FAM117B: variants seen among roughly 807,000 people sequenced by gnomAD.
FAM117B encodes the protein family with sequence similarity 117 member B, also known as protein FAM117B.
A neutral mutation model predicts 52.8 loss-of-function variants in FAM117B; 22 were observed. The ratio of observed to expected loss-of-function variants is 0.42; its 90% CI spans 0.30 to 0.59. The LOEUF (loss-of-function observed/expected upper bound fraction) is 0.59, where lower values mean the gene tolerates loss of function less well. FAM117B is among the 20% of genes least tolerant of loss of function. The probability of loss-of-function intolerance (pLI) is 0.22; values close to 1 mark genes in which losing one functional copy is unlikely to be tolerated. For missense variants in FAM117B, 678 were observed against 802.6 expected, an observed-to-expected ratio of 0.84 and a Z score of 1.88; for synonymous variants, 309 against 324.1, an observed-to-expected ratio of 0.95 and a Z score of 0.50.
Position 202,759,251 on chromosome 2 carries a change from C to T in FAM117B, c.1349C>T (p.Pro450Leu). 1 of 1,614,122 alleles carries T rather than the reference C, an allele frequency of 6.2e-7. No homozygotes were observed. Among genetic ancestry groups the T allele is most frequent in the Non-Finnish European group, 8.5e-7 (1 of 1,180,002 alleles). The change falls in exon 7 of 8, where the codon CCT becomes CTT. Residue 450 changes from proline to leucine, a missense_variant. By Grantham distance (98) the Pro-to-Leu change is moderately conservative. Coordinates refer to ENST00000392238, the MANE Select transcript of FAM117B (RefSeq NM_173511.4). ...CTTGCAGAGAATGGGAACAATTCTC[C>T]TTTGCCCAAATATGCAACCTCACCA... ...PRDKENGNNSPLPKYATSPKP... is the reference protein window; with the variant it reads ...PRDKENGNNSLLPKYATSPKP...
chr2:202,760,507 C>T (rs889084646), intron 7 of FAM117B, among the ~76,000 whole-genome samples: 1 of 152,130 alleles, frequency 6.6e-6, no homozygotes, highest in African/African-American at 2.4e-5. Flanking sequence ...TTTTTCCTTT[C>T]ATGTATTTAC....
At chr2:202,668,496 C>T (rs566958488) in intron 1 of FAM117B, among the ~76,000 whole-genome samples, 30 of 137,174 alleles carry the variant, frequency 2.2e-4, no homozygotes, top group Non-Finnish European at 4.1e-4. Context: ...CCACTGCACT[C>T]CAGACTGTGT....
chr2:202,683,193 T>A (rs1343480141), intron 1 of FAM117B, among the ~76,000 whole-genome samples: 1 of 152,244 alleles, frequency 6.6e-6, no homozygotes, highest in Non-Finnish European at 1.5e-5. Flanking sequence ...CCGGGCGTGG[T>A]GGCATGTGCC....
rs1691245839 is a variant in FAM117B at position 202,726,370 on chromosome 2, G to A, written c.960+7G>A. 3 of 1,572,834 alleles carry A rather than the reference G, an allele frequency of 1.9e-6. No individual in the cohort carries two copies. In the Admixed American group the frequency reaches 5.5e-5, roughly 29 times the overall value. ...AGCTATTAACCAGTGTCAGGTAAGA[G>A]TACCAATACCACAAAATCCAGAAAA... On this transcript the variant is annotated splice_region_variant and intron_variant, in intron 4 of 7. Transcript: ENST00000392238.
rs1195441962 is a variant in FAM117B, at chr2:202,765,747, G to T, written c.1753G>T (p.Glu585Ter). Residue 585 changes from glutamate (E) to a stop codon, truncating the protein, a stop_gained, in exon 8 of 8, where the codon GAG (glutamate) becomes TAG (stop). Coordinates refer to ENST00000392238, the MANE Select transcript of FAM117B (RefSeq NM_173511.4). LOFTEE classifies it high-confidence loss of function. ...TCTACTCCCACCACCAGAACCAATT[G>T]AGGAAGCTGAAGGATAGGTCACAGT... The part of the protein sequence containing the change: ...ASLLPPPEPI[E>*]EAEG The T allele has an allele frequency of 6.2e-7, 1 of 1,614,008 alleles. No homozygotes were observed. The highest frequency in any genetic ancestry group is 8.5e-7 in the Non-Finnish European group (1 of 1,179,946).
chr2:202,642,365 A>ATATATATATATATATATATATAT (rs1559092461), intron 1 of FAM117B, among the ~76,000 whole-genome samples: 2 of 148,538 alleles, frequency 1.3e-5, no homozygotes, highest in Admixed American at 1.3e-4. Context: ...ATATATATAT[A>ATATATATATATATATATATATAT]AAATGAGTAG....
At chr2:202,650,906 A>G (rs753412556) in intron 1 of FAM117B, among the ~76,000 whole-genome samples, 4 of 151,980 alleles carry the variant, frequency 2.6e-5, no homozygotes, top group African/African-American at 9.7e-5. Context: ...GCCTCTCCCA[A>G]TCCGCTGACT....
intron 1 of FAM117B, among the ~76,000 whole-genome samples, chr2:202,694,188 C>CGTTTTTTTTTTTTTTTTTT (rs1690674436): frequency 1.0e-5 from 1 of 99,098 alleles, no homozygotes; most frequent in African/African-American, 4.4e-5. Context: ...AAACCCACTT[C>CGTTTTTTTTTTTTTTTTTT]TTTTTTTTTT....
chr2:202,679,001 T>C (rs1690423694), intron 1 of FAM117B, among the ~76,000 whole-genome samples: 1 of 152,172 alleles, frequency 6.6e-6, no homozygotes, highest in South Asian at 2.1e-4. Context: ...CTCTTTTTCC[T>C]CTCTATCTGC....
At chr2:202,666,880 C>A (rs1348960041) in intron 1 of FAM117B, among the ~76,000 whole-genome samples, 2 of 151,836 alleles carry the variant, frequency 1.3e-5, no homozygotes, top group East Asian at 3.9e-4. Flanking sequence ...CTCCTGACCT[C>A]GTGATCCACC....
rs182569240 is a variant in FAM117B at position 202,726,538 on chromosome 2, T to C, written c.960+175T>C. On this transcript the variant is annotated intron_variant, in intron 4 of 7. Coordinates refer to ENST00000392238, the MANE Select transcript of FAM117B (RefSeq NM_173511.4). ...ACAGAATATTAAGTTGACAAAATGA[T>C]ATTTTCCTTTAGTGACCTAAGATAC... Among the ~76,000 whole-genome samples the C allele has an allele frequency of 2.1e-3, 320 of 152,346 alleles. 3 individuals carry two copies. The highest frequency in any genetic ancestry group is 7.2e-3 in the African/African-American group (300 of 41,584).
intron 1 of FAM117B, among the ~76,000 whole-genome samples, chr2:202,671,717 G>C (rs1421486569): frequency 6.6e-6 from 1 of 152,198 alleles, no homozygotes; most frequent in Non-Finnish European, 1.5e-5. Context: ...CCCATATATT[G>C]GTAGAGCAGT....
chr2:202,721,477 G>A (rs1169418613), intron 2 of FAM117B, among the ~76,000 whole-genome samples: 2 of 151,930 alleles, frequency 1.3e-5, no homozygotes, highest in East Asian at 3.8e-4. Context: ...TGACCATAGA[G>A]ATAACAAAAT....
intron 2 of FAM117B, among the ~76,000 whole-genome samples, chr2:202,708,414 C>T (rs531262119): frequency 6.6e-6 from 1 of 151,916 alleles, no homozygotes; most frequent in Non-Finnish European, 1.5e-5. Flanking sequence ...TTTTTTAAGA[C>T]TGAATGCTTG....
At chr2:202,703,377 C>G (rs1233318520) in intron 2 of FAM117B, among the ~76,000 whole-genome samples, 1 of 152,250 alleles carries the variant, frequency 6.6e-6, no homozygotes, top group African/African-American at 2.4e-5. Flanking sequence ...TTCCTCCTAC[C>G]TCCTTCCCTG....
chr2:202,660,460 GTT>G (rs1690112379), intron 1 of FAM117B, among the ~76,000 whole-genome samples: 1 of 152,094 alleles, frequency 6.6e-6, no homozygotes, highest in Non-Finnish European at 1.5e-5. Flanking sequence ...CCAGGAGTCA[GTT>G]TGGGACCTGA....
At chr2:202,748,842 C>CTCACATGTTTAT (rs1306871200) in intron 4 of FAM117B, among the ~76,000 whole-genome samples, 1 of 152,026 alleles carries the variant, frequency 6.6e-6, no homozygotes, top group African/African-American at 2.4e-5. Context: ...ATACCCTGCG[C>CTCACATGTTTAT]TCACATGTTT....
At chr2:202,760,519 A>G (rs1243574334) in intron 7 of FAM117B, among the ~76,000 whole-genome samples, 1 of 152,014 alleles carries the variant, frequency 6.6e-6, no homozygotes, top group Non-Finnish European at 1.5e-5. Flanking sequence ...TGTATTTACC[A>G]TGCTTCCCAT....
intron 1 of FAM117B, among the ~76,000 whole-genome samples, chr2:202,684,307 T>C (rs1163047164): frequency 1.3e-5 from 2 of 152,208 alleles, no homozygotes; most frequent in Admixed American, 1.3e-4. Context: ...CCATCCTTAT[T>C]ATTCGCAGAT....
Sources: allele counts gnomAD v4.1 joint callset (sites outside exome capture counted in the v4.1 genomes callset), GRCh38; gene constraint gnomAD v4.1.1; transcripts MANE v1.5; gene names NCBI Gene and HGNC (gene_info 2026-07-23, HGNC 2026-07-21).